The following ARHGAP35 variants were observed in gnomAD, a reference collection of about 807,000 sequenced individuals.
ARHGAP35 encodes Rho GTPase activating protein 35.
ARHGAP35 carries 15 observed loss-of-function variants against 111.1 expected under a neutral mutation model. The observed-to-expected ratio is 0.13, with a 90% confidence interval of 0.09 to 0.21. The LOEUF (loss-of-function observed/expected upper bound fraction) is 0.21. Among genes scored for constraint, ARHGAP35 ranks in the 10% least tolerant of loss-of-function variants. ARHGAP35 has a pLI of 1.00. For synonymous variants in ARHGAP35, 643 were observed against 710.3 expected (o/e 0.91, Z 1.51); for missense variants, 1,262 against 1,873.0 (o/e 0.67, Z 6.02).
rs548916015 is a variant in ARHGAP35 at position 46,908,782 on chromosome 19, G to A, written c.-188-9706G>A. On this transcript the variant is annotated intron_variant, in intron 1 of 6. Transcript: ENST00000672722. This position sits in a 1 kb window ranked among gnomAD's most constrained non-coding sequence, Gnocchi z 4.2. ...TAGAGTTCTGCAAGCCTGGAAGCATGAGAACTGTGGCGGGGGAAAAATGGG... is the reference window on the plus strand; with the variant it reads ...TAGAGTTCTGCAAGCCTGGAAGCATAAGAACTGTGGCGGGGGAAAAATGGG... Among the ~76,000 whole-genome samples, 2 of 152,246 alleles carry A rather than the reference G, an allele frequency of 1.3e-5. No individual in the cohort carries two copies. The highest frequency in any genetic ancestry group is 1.3e-4 in the Admixed American group (2 of 15,280).
chr19:46,895,165 C>A (rs1398200829), intron 1 of ARHGAP35, among the ~76,000 whole-genome samples: 3 of 136,634 alleles, frequency 2.2e-5, no homozygotes, highest in Non-Finnish European at 4.8e-5. Context: ...AGGGCAAAAT[C>A]TTTTTTTTTT....
At chr19:46,987,408 T>C (rs550295474) in intron 3 of ARHGAP35, among the ~76,000 whole-genome samples, 3 of 151,384 alleles carry the variant, frequency 2.0e-5, no homozygotes, top group Non-Finnish European at 4.4e-5. Flanking sequence ...AGAGATGGGG[T>C]TTCACTATGT....
At chr19:46,936,925 C>T (rs942218926) in intron 2 of ARHGAP35, among the ~76,000 whole-genome samples, 13 of 151,252 alleles carry the variant, frequency 8.6e-5, no homozygotes, top group Non-Finnish European at 1.5e-5. Flanking sequence ...CCTCAATCTC[C>T]ACCTCCTGGG....
chr19:46,955,002 C>G (rs537129161), intron 3 of ARHGAP35, among the ~76,000 whole-genome samples: 16 of 152,282 alleles, frequency 1.1e-4, no homozygotes, highest in African/African-American at 3.9e-4. Context: ...AGTGAAGGAC[C>G]CTGAATCTGG....
chr19:46,991,804 T>C (rs965958651), intron 5 of ARHGAP35, among the ~76,000 whole-genome samples: 1 of 152,170 alleles, frequency 6.6e-6, no homozygotes, highest in South Asian at 2.1e-4. Flanking sequence ...AAAAAGATGA[T>C]TGTGCCCCAA....
At chr19:46,863,751 C>G (rs1319973122) in intron 1 of ARHGAP35, among the ~76,000 whole-genome samples, 1 of 152,108 alleles carries the variant, frequency 6.6e-6, no homozygotes, top group Non-Finnish European at 1.5e-5. Context: ...CCGATCCCAC[C>G]AGGGGTTATG....
chr19:46,912,799 C>T (rs1294448386), intron 1 of ARHGAP35, among the ~76,000 whole-genome samples: 1 of 151,910 alleles, frequency 6.6e-6, no homozygotes, highest in South Asian at 2.1e-4. Flanking sequence ...CCACCCCTCC[C>T]ACCCCCCAAC....
intron 1 of ARHGAP35, among the ~76,000 whole-genome samples, chr19:46,890,861 G>A (rs2056020274): frequency 6.6e-6 from 1 of 152,232 alleles, no homozygotes; most frequent in Admixed American, 6.5e-5. Context: ...TAGTCACTCA[G>A]GAGGTATTTA....
chr19:46,915,210 T>C (rs1488415356), intron 1 of ARHGAP35, among the ~76,000 whole-genome samples: 1 of 152,242 alleles, frequency 6.6e-6, no homozygotes, highest in East Asian at 1.9e-4. Flanking sequence ...CTTATAATTT[T>C]GTTTATGTAA....
chr19:46,898,297 T>C (rs1328149711), intron 1 of ARHGAP35, among the ~76,000 whole-genome samples: 1 of 147,888 alleles, frequency 6.8e-6, no homozygotes, highest in Non-Finnish European at 1.5e-5. Context: ...TGAGGAAACA[T>C]AAAGGAAGGA....
chr19:46,895,955 G>C (rs956912301), intron 1 of ARHGAP35, among the ~76,000 whole-genome samples: 1 of 151,844 alleles, frequency 6.6e-6, no homozygotes, highest in Admixed American at 6.6e-5. Flanking sequence ...ATACGTAATT[G>C]GCTGGGCTTA....
Position 46,920,739 on chromosome 19 carries a change from GCGGGATAATCATTTAGTCCAT to G in ARHGAP35, c.2066_2086del (p.Arg689_His695del). On this transcript the variant is annotated inframe_deletion, in exon 2 of 7. Coordinates refer to ENST00000672722, the MANE Select transcript of ARHGAP35 (RefSeq NM_004491.5). This position sits in a 1 kb window ranked among gnomAD's most constrained non-coding sequence, Gnocchi z 7.0. ...AGAGTAGAGAGTCCACGCTGGGCCG[GCGGGATAATCATTTAGTCCAT>G]CTCCCCCTTACATTAATTTTGGTTA... 6.2e-7 allele frequency: 1 copy of G among 1,611,988 alleles called. No individual in the cohort carries two copies.
rs1392646884 is a variant in ARHGAP35 at position 47,000,255 on chromosome 19, T to C, written c.4143-76T>C. 1 of 1,455,268 alleles carries C rather than the reference T, an allele frequency of 6.9e-7. No homozygotes were observed. Among genetic ancestry groups the C allele is most frequent in the Non-Finnish European group, 9.4e-7 (1 of 1,061,554 alleles). The allele number at this position is 1,455,268 out of a possible 1,614,324, so 90.1% of individuals were successfully genotyped here. A position where few individuals can be genotyped will look rare whatever the true frequency, so the allele number is the denominator to read the frequency against. ...GGAAGAAAGGTGGGCTCAGCCTGGG[T>C]GCTGAAGACCATGAGCGCCCAGGGC... On this transcript the variant is annotated intron_variant, in intron 6 of 6. Transcript: ENST00000672722. The surrounding 1 kb of genome is among the most constrained non-coding windows in gnomAD (Gnocchi z 6.9).
rs538928893 is a variant in ARHGAP35 at position 46,989,027 on chromosome 19, G to A, written c.3905-517G>A. On this transcript the variant is annotated intron_variant, in intron 4 of 6. Transcript: ENST00000672722. The surrounding 1 kb of genome is among the most constrained non-coding windows in gnomAD (Gnocchi z 5.3). Reference sequence around the variant, plus strand: ...ACTGAAGTATGTATGCAATGAGAAGGAAAGCATGACATGGGTCAGCGGTGC... The same window carrying A: ...ACTGAAGTATGTATGCAATGAGAAGAAAAGCATGACATGGGTCAGCGGTGC... The A allele has an allele frequency of 6.2e-6, 1 of 162,246 alleles. No individual in the cohort carries two copies. Among genetic ancestry groups the A allele is most frequent in the African/African-American group, 2.4e-5 (1 of 41,852 alleles). The allele number at this position is 162,246 out of a possible 1,614,324, so 10.1% of individuals were successfully genotyped here. A position where few individuals can be genotyped will look rare whatever the true frequency, so the allele number is the denominator to read the frequency against.
intron 3 of ARHGAP35, among the ~76,000 whole-genome samples, chr19:46,950,589 G>A (rs1057070258): frequency 7.2e-5 from 11 of 152,246 alleles, no homozygotes; most frequent in Non-Finnish European, 1.6e-4. Flanking sequence ...GTGTTACTGA[G>A]CTTGTGGTGG....
Position 46,945,619 on chromosome 19 carries a change from G to A in ARHGAP35, c.3826+8211G>A, listed in dbSNP as rs980349536. On this transcript the variant is annotated intron_variant, in intron 3 of 6. Transcript: ENST00000672722. This position sits in a 1 kb window ranked among gnomAD's most constrained non-coding sequence, Gnocchi z 4.1. Reference sequence around the variant, plus strand: ...CCCCCTGAGGCAGCTTCCAAGTGTCGTCACACCTGCCCACCCGGGACGGTC... The same window carrying A: ...CCCCCTGAGGCAGCTTCCAAGTGTCATCACACCTGCCCACCCGGGACGGTC... Among the ~76,000 whole-genome samples, 2 of 152,076 alleles carry A rather than the reference G, an allele frequency of 1.3e-5. No homozygotes were observed. The highest frequency in any genetic ancestry group is 1.9e-4 in the East Asian group (1 of 5,184).
intron 2 of ARHGAP35, among the ~76,000 whole-genome samples, chr19:46,934,885 C>G (rs2056296965): frequency 6.6e-6 from 1 of 151,954 alleles, no homozygotes; most frequent in African/African-American, 2.4e-5. Flanking sequence ...GTTGCCCAGG[C>G]TGGTCTTGAA....
At chr19:46,930,713 C>T (rs188191369) in intron 2 of ARHGAP35, among the ~76,000 whole-genome samples, 4 of 151,602 alleles carry the variant, frequency 2.6e-5, no homozygotes, top group Non-Finnish European at 4.4e-5. Flanking sequence ...GTAGCCCTCC[C>T]TGCTGTTCCC....
At chr19:46,948,918 G>A (rs985965267) in intron 3 of ARHGAP35, 6 of 152,250 alleles carry the variant, frequency 3.9e-5, no homozygotes, top group African/African-American at 1.4e-4. Flanking sequence ...AAAACTTTGG[G>A]AGGCCGAGGC....
Sources: allele counts gnomAD v4.1 joint callset (sites outside exome capture counted in the v4.1 genomes callset), GRCh38; gene constraint gnomAD v4.1.1; non-coding constraint Gnocchi (gnomAD v3.1); transcripts MANE v1.5; gene names NCBI Gene and HGNC (gene_info 2026-07-23, HGNC 2026-07-21).